The following C8orf34 variants were observed in gnomAD, a reference collection of about 807,000 sequenced individuals.
C8orf34 encodes chromosome 8 open reading frame 34, also known as uncharacterized protein C8orf34.
In C8orf34, 65 loss-of-function variants were observed where a neutral mutation model predicts 68.3. The ratio of observed to expected loss-of-function variants is 0.95; its 90% CI spans 0.78 to 1.17. The LOEUF is 1.17. Among genes scored for constraint, C8orf34 ranks in the 50% most tolerant of loss-of-function variants. C8orf34 has a pLI of 0.00. For missense variants in C8orf34, 664 were observed against 655.4 expected (o/e 1.01, Z -0.14); for synonymous variants, 244 against 241.2 (o/e 1.01, Z -0.11).
chr8:68,521,724 G>T (rs1458793956), intron 5 of C8orf34, 75 bp from the exon 6 acceptor site: 2 of 1,343,950 alleles, frequency 1.5e-6, no homozygotes, highest in South Asian at 1.5e-5. Flanking sequence ...CAAATATCTA[G>T]GCAACTTTAT....
At chr8:68,594,528 C>T (rs1316762488) in intron 7 of C8orf34, among the ~76,000 whole-genome samples, 1 of 152,072 alleles carries the variant, frequency 6.6e-6, no homozygotes, top group African/African-American at 2.4e-5. Flanking sequence ...GTTTGGGGTA[C>T]AGATGATCCC....
intron 8 of C8orf34, among the ~76,000 whole-genome samples, chr8:68,645,774 A>T (rs752308898): frequency 2.0e-5 from 3 of 152,148 alleles, no homozygotes; most frequent in Non-Finnish European, 4.4e-5. Context: ...GTTAATGTAA[A>T]AAGTGGAGTC....
At chr8:68,537,187 T>A (rs763626948) in intron 7 of C8orf34, among the ~76,000 whole-genome samples, 2 of 152,100 alleles carry the variant, frequency 1.3e-5, no homozygotes, top group Non-Finnish European at 2.9e-5. Context: ...CACTGAATGA[T>A]GTAAAATTTC....
chr8:68,722,551 A>G (rs1821705831), intron 10 of C8orf34, among the ~76,000 whole-genome samples: 1 of 152,104 alleles, frequency 6.6e-6, no homozygotes, highest in Non-Finnish European at 1.5e-5. Context: ...AAATCAATGT[A>G]TCGTTGCTCA....
At chr8:68,537,076 C>T (rs1243837596) in intron 7 of C8orf34, among the ~76,000 whole-genome samples, 1 of 151,994 alleles carries the variant, frequency 6.6e-6, no homozygotes, top group East Asian at 1.9e-4. Flanking sequence ...TAAATATTCA[C>T]TCTTTGTTCT....
At chr8:68,767,207 A>G (rs1407738070) in intron 10 of C8orf34, among the ~76,000 whole-genome samples, 3 of 152,202 alleles carry the variant, frequency 2.0e-5, no homozygotes, top group Admixed American at 2.0e-4. Flanking sequence ...AAATAAATAA[A>G]TAAATAAATA....
rs567834231 is a variant in C8orf34 at position 68,697,166 on chromosome 8, G to A, written c.1242-11828G>A. On this transcript the variant is annotated intron_variant, in intron 8 of 13. Transcript: ENST00000518698. Reference sequence around the variant, plus strand: ...TTATATCGGGTATATTTTGTAAATTGCTAGTCATTTTTGGTACTTTAATAT... The same window carrying A: ...TTATATCGGGTATATTTTGTAAATTACTAGTCATTTTTGGTACTTTAATAT... Among the ~76,000 whole-genome samples, 130 of 151,936 alleles carry A rather than the reference G, an allele frequency of 8.6e-4. 1 individual carries two copies. The highest frequency in any genetic ancestry group is 3.0e-3 in the African/African-American group (124 of 41,486).
At chr8:68,799,880 G>A (rs1382212730) in intron 12 of C8orf34, among the ~76,000 whole-genome samples, 1 of 152,120 alleles carries the variant, frequency 6.6e-6, no homozygotes, top group Non-Finnish European at 1.5e-5. Flanking sequence ...TTTGAACTGA[G>A]GGATGCATAA....
intron 3 of C8orf34, among the ~76,000 whole-genome samples, chr8:68,460,359 G>T (rs892259354): frequency 6.6e-5 from 10 of 152,238 alleles, no homozygotes; most frequent in Non-Finnish European, 5.9e-5. Flanking sequence ...ACCTCTGGGG[G>T]CAGGGCACAG....
At chr8:68,419,681 A>G (rs1020703769) in intron 1 of C8orf34, among the ~76,000 whole-genome samples, 2 of 151,932 alleles carry the variant, frequency 1.3e-5, no homozygotes, top group African/African-American at 2.4e-5. Flanking sequence ...CTTTGTAGGG[A>G]CATGGATGAA....
intron 4 of C8orf34, among the ~76,000 whole-genome samples, chr8:68,485,728 T>A (rs181743031): frequency 0.047 from 6,866 of 144,900 alleles, 212 homozygotes; most frequent in Non-Finnish European, 0.071. Context: ...AAATAAAAAA[T>A]AAATAAATAA....
intron 8 of C8orf34, among the ~76,000 whole-genome samples, chr8:68,705,273 A>G (rs990487723): frequency 6.6e-6 from 1 of 152,176 alleles, no homozygotes; most frequent in Non-Finnish European, 1.5e-5. Context: ...AAAACTATCA[A>G]AGTGGTTGAG....
At chr8:68,408,785 T>TTTTTG (rs1384540183) in intron 1 of C8orf34, among the ~76,000 whole-genome samples, 1 of 150,938 alleles carries the variant, frequency 6.6e-6, no homozygotes, top group African/African-American at 2.4e-5. Flanking sequence ...TTTTGTTTGT[T>TTTTTG]TTTTGTTTTG....
At chr8:68,501,189 A>C (rs1007836623) in intron 5 of C8orf34, among the ~76,000 whole-genome samples, 7 of 152,204 alleles carry the variant, frequency 4.6e-5, no homozygotes, top group Admixed American at 1.3e-4. Flanking sequence ...TCAAGCTGAA[A>C]TCTATTCTAA....
rs530562810 is a variant in C8orf34 at position 68,574,172 on chromosome 8, C to T, written c.1105+41023C>T. Among the ~76,000 whole-genome samples, 3 of 151,766 alleles carry T rather than the reference C, an allele frequency of 2.0e-5. No homozygotes were observed. In the South Asian group the frequency reaches 6.2e-4, roughly 32 times the overall value. ...TGACTCAATTTTTTAATAATATTAG[C>T]TGCTATTTCAACATCTGTATACATA... On this transcript the variant is annotated intron_variant, in intron 7 of 13. Coordinates refer to ENST00000518698, the MANE Select transcript of C8orf34 (RefSeq NM_052958.4).
intron 1 of C8orf34, among the ~76,000 whole-genome samples, chr8:68,400,499 G>T (rs1808902069): frequency 2.6e-5 from 4 of 152,084 alleles, no homozygotes; most frequent in Admixed American, 2.6e-4. Flanking sequence ...TTAGTTGGTT[G>T]TATGTGGCTT....
chr8:68,500,028 T>C (rs932794678), intron 5 of C8orf34, among the ~76,000 whole-genome samples: 2 of 152,192 alleles, frequency 1.3e-5, no homozygotes, highest in Non-Finnish European at 2.9e-5. Flanking sequence ...TCTCCCACTC[T>C]GGCCATGTGA....
intron 1 of C8orf34, among the ~76,000 whole-genome samples, chr8:68,348,227 C>G (rs1806363345): frequency 1.3e-5 from 2 of 151,920 alleles, no homozygotes; most frequent in South Asian, 4.1e-4. Context: ...GAGTTTTTTT[C>G]CCCATTGCTT....
intron 12 of C8orf34, among the ~76,000 whole-genome samples, chr8:68,798,141 G>A (rs375722102): frequency 2.0e-5 from 3 of 151,090 alleles, no homozygotes; most frequent in African/African-American, 4.9e-5. Flanking sequence ...TTATTTATTT[G>A]TTTATTTATT....
Sources: gnomAD v4.1 joint callset for allele counts (sites outside exome capture counted in the v4.1 genomes callset) on GRCh38, gnomAD v4.1.1 for gene constraint, MANE v1.5 for transcripts, NCBI Gene and HGNC (gene_info 2026-07-23, HGNC 2026-07-21) for gene names.